The following NPAS2 variants were observed in gnomAD, a reference collection of about 807,000 sequenced individuals.
NPAS2 encodes the protein neuronal PAS domain-containing protein 2.
Under a neutral mutation model 107.5 loss-of-function variants are expected in NPAS2, and 23 were observed. The observed-to-expected ratio is 0.21, with a 90% CI of 0.15 to 0.30. The LOEUF (loss-of-function observed/expected upper bound fraction) is 0.30, where lower values mean the gene tolerates loss of function less well. Among genes scored for constraint, NPAS2 ranks in the 10% least tolerant of loss-of-function variants. The probability of loss-of-function intolerance (pLI) is 1.00; values close to 1 mark genes in which losing one functional copy is unlikely to be tolerated. For synonymous variants in NPAS2, 403 were observed against 417.5 expected (o/e 0.97, Z 0.42); for missense variants, 756 against 1,043.3 (o/e 0.72, Z 3.79).
At chr2:100,931,470 G>A (rs571775743) in intron 3 of NPAS2, among the ~76,000 whole-genome samples, 131 of 149,230 alleles carry the variant, frequency 8.8e-4, no homozygotes, top group African/African-American at 3.1e-3. Flanking sequence ...AGGGTGATGC[G>A]CATAACTCAG....
intron 7 of NPAS2, among the ~76,000 whole-genome samples, chr2:100,954,451 G>T (rs1318018633): frequency 1.3e-5 from 2 of 152,132 alleles, no homozygotes; most frequent in African/African-American, 4.8e-5. Flanking sequence ...GATTGCCTGA[G>T]GTCAGGAGTT....
chr2:100,873,364 GTA>G (rs202154604), intron 1 of NPAS2, among the ~76,000 whole-genome samples: 2,269 of 122,760 alleles, frequency 0.018, 86 homozygotes, highest in African/African-American at 0.064. Flanking sequence ...ACACATATGT[GTA>G]TATATATATA....
rs965204967 is a variant in NPAS2 at position 100,852,258 on chromosome 2, G to A, written c.-23+31844G>A. Reference sequence around the variant, plus strand: ...AAAAAATACAAAAAATTAGCCGGGCGTGGTGGTGGGTGCCTGTAGTCCCAG... The same window carrying A: ...AAAAAATACAAAAAATTAGCCGGGCATGGTGGTGGGTGCCTGTAGTCCCAG... On this transcript the variant is annotated intron_variant, in intron 1 of 20. Coordinates refer to ENST00000335681, the MANE Select transcript of NPAS2 (RefSeq NM_002518.4). Among the ~76,000 whole-genome samples, 22 of 152,174 alleles carry A rather than the reference G, an allele frequency of 1.4e-4. No homozygotes were observed. The East Asian group carries it at 1.6e-3, about 11-fold the overall frequency.
At chr2:100,974,751 G>A in intron 12 of NPAS2, 52 bp from the exon 13 acceptor site, 2 of 1,576,778 alleles carry the variant, frequency 1.3e-6, no homozygotes, top group Non-Finnish European at 1.7e-6. Flanking sequence ...CACGCCCACT[G>A]ATTCTTTCCT....
chr2:100,913,677 G>T (rs181529136), intron 2 of NPAS2, among the ~76,000 whole-genome samples: 2 of 152,212 alleles, frequency 1.3e-5, no homozygotes, highest in African/African-American at 4.8e-5. Flanking sequence ...CCTCATTCCT[G>T]ATCCAGCTCA....
chr2:100,870,789 G>A (rs1307937651), intron 1 of NPAS2, among the ~76,000 whole-genome samples: 1 of 152,220 alleles, frequency 6.6e-6, no homozygotes, highest in Admixed American at 6.5e-5. Context: ...CAGCACTATG[G>A]TGTGAGGGGC....
At chr2:100,910,370 C>T (rs1156985615) in intron 2 of NPAS2, among the ~76,000 whole-genome samples, 1 of 152,076 alleles carries the variant, frequency 6.6e-6, no homozygotes, top group East Asian at 1.9e-4. Context: ...TCTGTTGCTT[C>T]TCGGGAGAAT....
intron 15 of NPAS2, among the ~76,000 whole-genome samples, chr2:100,981,076 C>CT (rs1205751085): frequency 6.6e-6 from 1 of 152,170 alleles, no homozygotes; most frequent in Non-Finnish European, 1.5e-5. Flanking sequence ...GCTATTCTTA[C>CT]TCTTACTGGT....
At chr2:100,840,130 G>A (rs533263022) in intron 1 of NPAS2, among the ~76,000 whole-genome samples, 4 of 152,132 alleles carry the variant, frequency 2.6e-5, no homozygotes, top group South Asian at 2.1e-4. Context: ...CCTTCCTTCC[G>A]TCGTTGCTTG....
At chr2:100,926,941 CTTTTTT>C (rs71378131) in intron 3 of NPAS2, among the ~76,000 whole-genome samples, 1 of 126,868 alleles carries the variant, frequency 7.9e-6, no homozygotes, top group Non-Finnish European at 1.6e-5. Flanking sequence ...TTTTTTCTTT[CTTTTTT>C]TTTTTTTTTT....
chr2:100,873,287 TATATATATATATATATATATACACACAC>T lies in NPAS2; in HGVS notation c.-22-31444_-22-31417del, dbSNP rs1362561681. 6.2e-3 allele frequency among the ~76,000 whole-genome samples: 234 copies of T among 37,920 alleles called. 3 individuals are homozygous for T. The highest frequency in any genetic ancestry group is 0.019 in the African/African-American group (228 of 12,248). The allele number at this position is 37,920 out of a possible 152,430, so 24.9% of individuals were successfully genotyped here. ...AAAAAAAAAAATACATATATATATA[TATATATATATATATATATATACACACAC>T]ACACACACACACACACACACACACA... On this transcript the variant is annotated intron_variant, in intron 1 of 20. Coordinates refer to ENST00000335681, the MANE Select transcript of NPAS2 (RefSeq NM_002518.4).
rs776364932 is a variant in NPAS2, at chr2:100,995,608, A to C, written c.*26A>C. 3.8e-6 allele frequency: 6 copies of C among 1,592,028 alleles called. No individual in the cohort carries two copies. Among genetic ancestry groups the C allele is most frequent in the Non-Finnish European group, 4.3e-6 (5 of 1,169,080 alleles). ...TGCCCCGGCACTGAAGTCGGGACAC[A>C]ATCAGCTTTAACCAATGGATGAGGG... On this transcript the variant is annotated 3_prime_UTR_variant, in exon 21 of 21. Transcript: ENST00000335681.
intron 1 of NPAS2, among the ~76,000 whole-genome samples, chr2:100,825,502 C>A (rs72968180): frequency 6.6e-6 from 1 of 152,092 alleles, no homozygotes; most frequent in Non-Finnish European, 1.5e-5. Flanking sequence ...AAAAAAAATT[C>A]CCTTCATCCT....
intron 14 of NPAS2, chr2:100,977,027 T>C (rs1027219374): frequency 6.6e-6 from 1 of 150,924 alleles, no homozygotes; most frequent in Admixed American, 6.6e-5. Flanking sequence ...ACGAGTCCTT[T>C]CACTGTTCTT....
At chr2:100,953,818 T>G (rs996739492) in intron 7 of NPAS2, among the ~76,000 whole-genome samples, 4 of 152,216 alleles carry the variant, frequency 2.6e-5, no homozygotes, top group Non-Finnish European at 4.4e-5. Context: ...CTCCTGGCAT[T>G]CTGCTGATCC....
intron 14 of NPAS2, among the ~76,000 whole-genome samples, 169 bp from the exon 15 acceptor site, chr2:100,977,541 C>A (rs545155418): frequency 6.6e-6 from 1 of 152,162 alleles, no homozygotes; most frequent in East Asian, 1.9e-4. Context: ...TTGTGCCCTG[C>A]GTAGGAAGCA....
chr2:100,906,914 G>GCTTTC (rs1682184732), intron 2 of NPAS2, among the ~76,000 whole-genome samples: 1 of 152,206 alleles, frequency 6.6e-6, no homozygotes, highest in Admixed American at 6.5e-5. Context: ...GCTCTAGGAA[G>GCTTTC]TGGCAGAATG....
At position 100,842,087 on chromosome 2, in the gene NPAS2, A is replaced by ATG. The variant is rs1558798485; in HGVS notation, c.-23+21673_-23+21674insTG. Among the ~76,000 whole-genome samples, 340 of 128,226 alleles carry ATG rather than the reference A, an allele frequency of 2.7e-3. 1 individual carries two copies. Among genetic ancestry groups the ATG allele is most frequent in the African/African-American group, 7.6e-3 (290 of 38,080 alleles). The allele number at this position is 128,226 out of a possible 152,430, so 84.1% of individuals were successfully genotyped here. A position where few individuals can be genotyped will look rare whatever the true frequency, so the allele number is the denominator to read the frequency against. On this transcript the variant is annotated intron_variant, in intron 1 of 20. Transcript: ENST00000335681. ...CATGAGTGTGCATGTACGCGCACAC[A>ATG]CACACACACACACACACACACACTT...
At chr2:100,837,095 T>C (rs376013633) in intron 1 of NPAS2, among the ~76,000 whole-genome samples, 4 of 152,090 alleles carry the variant, frequency 2.6e-5, no homozygotes, top group African/African-American at 9.7e-5. Context: ...TCCAGAGTTA[T>C]TAATGTTCTA....
Sources: allele counts gnomAD v4.1 joint callset (sites outside exome capture counted in the v4.1 genomes callset), GRCh38; gene constraint gnomAD v4.1.1; transcripts MANE v1.5; gene names NCBI Gene and HGNC (gene_info 2026-07-23, HGNC 2026-07-21).